The following KPNA4 variants were observed in gnomAD, a reference collection of about 807,000 sequenced individuals.
The protein encoded by KPNA4 is importin subunit alpha-3.
KPNA4 carries 13 observed loss-of-function variants against 71.3 expected under a neutral mutation model. The ratio of observed to expected loss-of-function variants is 0.18; its 90% CI spans 0.12 to 0.29. The LOEUF is 0.29. KPNA4 is among the 10% of genes least tolerant of loss of function. The pLI, the probability that KPNA4 is intolerant of heterozygous loss-of-function variation, is 1.00. For missense variants in KPNA4, 334 were observed against 603.2 expected (o/e 0.55, Z 4.67); for synonymous variants, 189 against 195.2 (o/e 0.97, Z 0.26).
chr3:160,509,256 T>G (rs1159376534), intron 14 of KPNA4, among the ~76,000 whole-genome samples: 1 of 152,232 alleles, frequency 6.6e-6, no homozygotes, highest in Non-Finnish European at 1.5e-5. Context: ...GAGCTTTTAA[T>G]TCCTTGTTTG....
Position 160,525,908 on chromosome 3 carries a change from CTCTTT to C in KPNA4, c.726+25_726+29del, listed in dbSNP as rs758519856. 4 of 1,535,060 alleles carry C rather than the reference CTCTTT, an allele frequency of 2.6e-6. No homozygotes were observed. The African/African-American group carries it at 5.6e-5, about 21-fold the overall frequency. On this transcript the variant is annotated intron_variant, in intron 9 of 16. Coordinates refer to ENST00000334256, the MANE Select transcript of KPNA4 (RefSeq NM_002268.5). ...ATAAAAAATATATATATAATGGTAT[CTCTTT>C]TAATTTTTTTTTAAAAGTGTTTACC...
At chr3:160,564,230 T>A (rs1469719082) in intron 1 of KPNA4, 1 of 152,126 alleles carries the variant, frequency 6.6e-6, no homozygotes, top group Non-Finnish European at 1.5e-5. Flanking sequence ...ATTTAACCCA[T>A]ACACCTTATG....
At chr3:160,562,403 A>G (rs1722260350) in intron 1 of KPNA4, among the ~76,000 whole-genome samples, 1 of 152,200 alleles carries the variant, frequency 6.6e-6, no homozygotes, top group Non-Finnish European at 1.5e-5. Flanking sequence ...CCAAATCAAA[A>G]AGCAATTATT....
In KPNA4 at chr3:160,531,441, AAAAAT is replaced by A; in HGVS notation, c.383+16_383+20del. ...AGGATACATTCTAAATTAAAAAAAA[AAAAAT>A]AAATAATGTACTCACTTGTCATCTC... On this transcript the variant is annotated intron_variant, in intron 6 of 16. Transcript: ENST00000334256. The A allele has an allele frequency of 1.5e-6, 2 of 1,293,314 alleles. No individual in the cohort carries two copies. The highest frequency in any genetic ancestry group is 3.1e-5 in the South Asian group (2 of 63,692). The allele number at this position is 1,293,314 out of a possible 1,614,324, so 80.1% of individuals were successfully genotyped here.
At chr3:160,533,882 A>G (rs944796824) in intron 5 of KPNA4, among the ~76,000 whole-genome samples, 5 of 152,240 alleles carry the variant, frequency 3.3e-5, no homozygotes, top group African/African-American at 1.2e-4. Flanking sequence ...TGCAGATTGC[A>G]TGTTGAGAAG....
chr3:160,558,930 T>G (rs933874611), intron 1 of KPNA4, among the ~76,000 whole-genome samples: 1 of 152,082 alleles, frequency 6.6e-6, no homozygotes, highest in African/African-American at 2.4e-5. Context: ...CAGTAAAAAA[T>G]GATTACTTTT....
chr3:160,563,325 T>C (rs542080840), intron 1 of KPNA4, among the ~76,000 whole-genome samples: 2 of 152,336 alleles, frequency 1.3e-5, no homozygotes, highest in East Asian at 1.9e-4. Context: ...ATATGGGATG[T>C]CCAGGATAGG....
intron 1 of KPNA4, among the ~76,000 whole-genome samples, chr3:160,537,591 T>C (rs894227741): frequency 3.3e-5 from 5 of 150,274 alleles, no homozygotes; most frequent in African/African-American, 1.2e-4. Flanking sequence ...CCTTATTCTT[T>C]CTAATGACTG....
intron 1 of KPNA4, among the ~76,000 whole-genome samples, chr3:160,555,932 A>G (rs1722127166): frequency 6.6e-6 from 1 of 152,152 alleles, no homozygotes; most frequent in South Asian, 2.1e-4. Flanking sequence ...CCTGGGTTCA[A>G]GTGATTCTCC....
chr3:160,547,299 C>A (rs748398744), intron 1 of KPNA4, among the ~76,000 whole-genome samples: 20 of 152,116 alleles, frequency 1.3e-4, no homozygotes, highest in Non-Finnish European at 2.5e-4. Flanking sequence ...CCAAATGCAA[C>A]CATTTTCCTA....
chr3:160,553,276 G>A (rs1467623348), intron 1 of KPNA4, among the ~76,000 whole-genome samples: 1 of 152,196 alleles, frequency 6.6e-6, no homozygotes, highest in Non-Finnish European at 1.5e-5. Context: ...TCACACCACA[G>A]AAGACTGGTA....
At chr3:160,517,166 GTC>G (rs1721246351) in intron 11 of KPNA4, among the ~76,000 whole-genome samples, 1 of 151,988 alleles carries the variant, frequency 6.6e-6, no homozygotes, top group Admixed American at 6.6e-5. Context: ...CACTATGCCT[GTC>G]TCTAAGATTT....
intron 1 of KPNA4, among the ~76,000 whole-genome samples, chr3:160,556,868 A>G (rs1395991677): frequency 6.6e-6 from 1 of 152,260 alleles, no homozygotes; most frequent in Non-Finnish European, 1.5e-5. Context: ...ACCCAATTCT[A>G]TAGATATATC....
At chr3:160,526,183 G>C (rs2108550383) in intron 8 of KPNA4, 76 bp from the exon 9 acceptor site, 1 of 1,040,968 alleles carries the variant, frequency 9.6e-7, no homozygotes, top group Non-Finnish European at 1.3e-6. Flanking sequence ...AAAGCACTGG[G>C]AATATGCTGC....
intron 1 of KPNA4, among the ~76,000 whole-genome samples, chr3:160,546,287 G>T (rs756765193): frequency 6.6e-6 from 1 of 152,174 alleles, no homozygotes; most frequent in Non-Finnish European, 1.5e-5. Context: ...GGAGGCTAAG[G>T]CGGGTGGATC....
intron 1 of KPNA4, among the ~76,000 whole-genome samples, chr3:160,543,111 T>G (rs957165413): frequency 2.0e-5 from 3 of 152,208 alleles, no homozygotes; most frequent in Non-Finnish European, 4.4e-5. Flanking sequence ...CTCTATATTC[T>G]TCTATCTTTT....
intron 1 of KPNA4, among the ~76,000 whole-genome samples, chr3:160,542,142 G>A (rs1721812784): frequency 6.6e-6 from 1 of 152,098 alleles, no homozygotes; most frequent in Non-Finnish European, 1.5e-5. Flanking sequence ...AATATCAGAA[G>A]CCAGAAATGA....
intron 1 of KPNA4, among the ~76,000 whole-genome samples, chr3:160,553,474 ACAGCAGCTGG>A (rs2108560284): frequency 6.6e-6 from 1 of 152,354 alleles, no homozygotes; most frequent in Non-Finnish European, 1.5e-5. Context: ...TTAGCAGCTG[ACAGCAGCTGG>A]CAGAGCAGAA....
chr3:160,542,654 T>C (rs1456496684), intron 1 of KPNA4, among the ~76,000 whole-genome samples: 1 of 152,140 alleles, frequency 6.6e-6, no homozygotes, highest in East Asian at 1.9e-4. Context: ...TTAACACTAG[T>C]ATTAAAGGCC....
Sources: allele counts gnomAD v4.1 joint callset (sites outside exome capture counted in the v4.1 genomes callset), GRCh38; gene constraint gnomAD v4.1.1; transcripts MANE v1.5; gene names NCBI Gene and HGNC (gene_info 2026-07-23, HGNC 2026-07-21).